RGS12: variants seen among roughly 807,000 people sequenced by gnomAD.
The protein encoded by RGS12 is regulator of G protein signaling 12.
RGS12 carries 66 observed loss-of-function variants against 120.1 expected under a neutral mutation model. The ratio of observed to expected loss-of-function variants is 0.55; its 90% CI spans 0.45 to 0.67. The LOEUF (loss-of-function observed/expected upper bound fraction) is 0.67. Ranked by LOEUF, RGS12 falls within the 30% of genes least tolerant of loss-of-function variation. The pLI, the probability that RGS12 is intolerant of heterozygous loss-of-function variation, is 0.00. For missense variants in RGS12, 1,859 were observed against 1,957.7 expected, an observed-to-expected ratio of 0.95 and a Z score of 0.95; for synonymous variants, 827 against 804.7, an observed-to-expected ratio of 1.03 and a Z score of -0.47.
chr4:3,307,781 T>C (rs1255204357), intron 1 of RGS12, among the ~76,000 whole-genome samples: 1 of 152,250 alleles, frequency 6.6e-6, no homozygotes, highest in Non-Finnish European at 1.5e-5. Context: ...TTAGCAGAAC[T>C]CCTTTAAGTG....
In RGS12 at chr4:3,422,992, C is replaced by T. The variant is rs375568766; in HGVS notation, c.3107+14C>T. ...CACCTTGTTTCGGTAAGAGGAAGAT[C>T]GCTGTCATTCACCTGAGGCTCCCAG... On this transcript the variant is annotated intron_variant, in intron 12 of 17. Transcript: ENST00000336727. The T allele has an allele frequency of 2.0e-5, 32 of 1,609,622 alleles. No individual in the cohort carries two copies. The highest frequency in any genetic ancestry group is 1.7e-4 in the Admixed American group (10 of 59,970).
intron 4 of RGS12, among the ~76,000 whole-genome samples, chr4:3,407,791 C>T (rs765809284): frequency 3.3e-5 from 5 of 152,192 alleles, no homozygotes; most frequent in Non-Finnish European, 7.3e-5. Context: ...ACAACGGGCC[C>T]GGGCCGTGTG....
chr4:3,363,065 A>G (rs1715877547), intron 3 of RGS12, among the ~76,000 whole-genome samples: 1 of 134,772 alleles, frequency 7.4e-6, no homozygotes, highest in African/African-American at 2.9e-5. Context: ...GTGTGTGTGA[A>G]ATAGTGTGTG....
At chr4:3,337,708 G>T (rs566959805) in intron 2 of RGS12, among the ~76,000 whole-genome samples, 1 of 152,306 alleles carries the variant, frequency 6.6e-6, no homozygotes, top group Admixed American at 6.5e-5. Context: ...AATGGAGAGT[G>T]CGTGTTAAAT....
intron 17 of RGS12, among the ~76,000 whole-genome samples, chr4:3,435,296 C>T (rs950321305): frequency 3.9e-5 from 6 of 152,202 alleles, no homozygotes; most frequent in East Asian, 1.9e-4. Flanking sequence ...TGTGTTGTAC[C>T]GGGTGAGGAT....
In RGS12 at chr4:3,339,553, G is replaced by T. The variant is rs183887721; in HGVS notation, c.1882-3384G>T. 2.2e-4 allele frequency among the ~76,000 whole-genome samples: 34 copies of T among 152,322 alleles called. 1 individual carries two copies. The South Asian group carries it at 3.5e-3, about 16-fold the overall frequency. On this transcript the variant is annotated intron_variant, in intron 2 of 17. Transcript: ENST00000336727. ...CAGAGAGAGGCTCTCTGAAAGAAAT[G>T]ATGTTTATCTGGGAGCAGGGCATTG...
intron 2 of RGS12, chr4:3,324,609 A>G (rs1326402907): frequency 6.5e-6 from 1 of 153,036 alleles, no homozygotes; most frequent in Non-Finnish European, 1.5e-5. Context: ...GCCCTTGACA[A>G]AGTGGGCAAG....
chr4:3,321,041 C>T (rs1402927806), intron 2 of RGS12, among the ~76,000 whole-genome samples: 4 of 152,140 alleles, frequency 2.6e-5, no homozygotes, highest in African/African-American at 9.7e-5. Flanking sequence ...GTGACGGGGA[C>T]TTCAGGGCTT....
At chr4:3,345,509 T>C (rs1713706764) in intron 3 of RGS12, among the ~76,000 whole-genome samples, 1 of 152,236 alleles carries the variant, frequency 6.6e-6, no homozygotes, top group Admixed American at 6.5e-5. Flanking sequence ...TGGTGTGGTC[T>C]GGTTCCACAT....
rs750713672 is a variant in RGS12 at position 3,422,882 on chromosome 4, A to AT, written c.3034-21dup. Reference sequence around the variant, plus strand: ...GGGGCTGCCTGCTGTGCCCACGTTGATTCTGGTCTCTCTGTTCCTCAGCCT... The same window carrying AT: ...GGGGCTGCCTGCTGTGCCCACGTTGATTTCTGGTCTCTCTGTTCCTCAGCCT... On this transcript the variant is annotated intron_variant, in intron 11 of 17. Coordinates refer to ENST00000336727, the MANE Select transcript of RGS12 (RefSeq NM_001394154.1). 2.3e-5 allele frequency: 37 copies of AT among 1,609,810 alleles called. No homozygotes were observed. In the Admixed American group the frequency reaches 5.5e-4, roughly 24 times the overall value.
intron 2 of RGS12, among the ~76,000 whole-genome samples, chr4:3,322,646 T>C (rs887536577): frequency 6.6e-6 from 1 of 152,220 alleles, no homozygotes; most frequent in Non-Finnish European, 1.5e-5. Context: ...ATTCTTAAAA[T>C]TTCCATACAA....
At chr4:3,416,839 C>T in intron 7 of RGS12, 74 bp from the exon 8 acceptor site, 1 of 1,437,314 alleles carries the variant, frequency 7.0e-7, no homozygotes, top group Non-Finnish European at 9.5e-7. Flanking sequence ...CTACAGGTCG[C>T]CAAGCAGCCT....
chr4:3,301,287 G>T (rs1424217676), intron 1 of RGS12, among the ~76,000 whole-genome samples: 1 of 152,248 alleles, frequency 6.6e-6, no homozygotes, highest in African/African-American at 2.4e-5. Context: ...GTGCTGAAGA[G>T]GCTCACAGTA....
At chr4:3,410,603 A>G (rs1274006393) in intron 4 of RGS12, among the ~76,000 whole-genome samples, 2 of 152,184 alleles carry the variant, frequency 1.3e-5, no homozygotes, top group Non-Finnish European at 2.9e-5. Context: ...CTGGGCATTT[A>G]TACTTCATGT....
chr4:3,371,115 G>A (rs1274868642), intron 3 of RGS12, among the ~76,000 whole-genome samples: 2 of 152,182 alleles, frequency 1.3e-5, no homozygotes, highest in Non-Finnish European at 2.9e-5. Flanking sequence ...AAAATGAGCC[G>A]CGTCCTTCCT....
intron 1 of RGS12, among the ~76,000 whole-genome samples, chr4:3,308,657 T>C (rs1724110820): frequency 6.6e-6 from 1 of 152,224 alleles, no homozygotes; most frequent in African/African-American, 2.4e-5. Context: ...TGGCAGATTC[T>C]CATGCCTTTG....
rs183990636 is a variant in RGS12 at position 3,394,100 on chromosome 4, G to A, written c.2020+7663G>A. Reference sequence around the variant, plus strand: ...GCACCTGCGACTGACCCTTCCTGCCGGCATCTCTCTGAACGTGGTGCCCTT... The same window carrying A: ...GCACCTGCGACTGACCCTTCCTGCCAGCATCTCTCTGAACGTGGTGCCCTT... On this transcript the variant is annotated intron_variant, in intron 4 of 17. Coordinates refer to ENST00000336727, the MANE Select transcript of RGS12 (RefSeq NM_001394154.1). Among the ~76,000 whole-genome samples the A allele has an allele frequency of 6.0e-4, 92 of 152,212 alleles. 1 individual carries two copies. In the South Asian group the frequency reaches 0.014, roughly 22 times the overall value.
chr4:3,407,013 G>A (rs983961473), intron 4 of RGS12, among the ~76,000 whole-genome samples: 3 of 152,168 alleles, frequency 2.0e-5, no homozygotes, highest in African/African-American at 7.2e-5. Context: ...TATATTTATG[G>A]GACTAAAAAT....
chr4:3,410,227 G>T (rs1424651001), intron 4 of RGS12, among the ~76,000 whole-genome samples: 1 of 152,176 alleles, frequency 6.6e-6, no homozygotes, highest in Non-Finnish European at 1.5e-5. Flanking sequence ...CCATCCTCTG[G>T]AATAGCTGGG....
Sources: gnomAD v4.1 joint callset for allele counts (sites outside exome capture counted in the v4.1 genomes callset) on GRCh38, gnomAD v4.1.1 for gene constraint, MANE v1.5 for transcripts, NCBI Gene and HGNC (gene_info 2026-07-23, HGNC 2026-07-21) for gene names.